The following MOV10L1 variants were observed in gnomAD, a reference collection of about 807,000 sequenced individuals.
The protein encoded by MOV10L1 is Mov10 like RNA helicase 1.
MOV10L1 carries 110 observed loss-of-function variants against 143.8 expected under a neutral mutation model. The ratio of observed to expected loss-of-function variants is 0.76; its 90% CI spans 0.66 to 0.90. The LOEUF (loss-of-function observed/expected upper bound fraction) is 0.90. Ranked by LOEUF, MOV10L1 falls within the 40% of genes least tolerant of loss-of-function variation. The probability of loss-of-function intolerance (pLI) is 0.00; values close to 1 mark genes in which losing one functional copy is unlikely to be tolerated. For missense variants in MOV10L1, 1,406 were observed against 1,526.8 expected (o/e 0.92, Z 1.32); for synonymous variants, 593 against 581.1 (o/e 1.02, Z -0.29).
At chr22:50,106,223 T>A (rs964078176) in intron 3 of MOV10L1, among the ~76,000 whole-genome samples, 2 of 152,032 alleles carry the variant, frequency 1.3e-5, no homozygotes, top group Non-Finnish European at 2.9e-5. Context: ...AGTGGCACAA[T>A]TGTAGCTCAC....
At chr22:50,123,569 C>G (rs894914065) in intron 10 of MOV10L1, among the ~76,000 whole-genome samples, 1 of 152,132 alleles carries the variant, frequency 6.6e-6, no homozygotes, top group Non-Finnish European at 1.5e-5. Flanking sequence ...GTGCTAGTAT[C>G]GTGTTGAGGA....
intron 15 of MOV10L1, among the ~76,000 whole-genome samples, chr22:50,141,239 T>C (rs1602304947): frequency 1.3e-5 from 2 of 152,304 alleles, no homozygotes; most frequent in African/African-American, 4.8e-5. Flanking sequence ...GGTTTCACCA[T>C]GTTGGCCAGG....
At chr22:50,149,286 A>C (rs2063231919) in intron 19 of MOV10L1, 2 of 280,652 alleles carry the variant, frequency 7.1e-6, no homozygotes, top group Non-Finnish European at 6.9e-6. Context: ...GGTGGAGAGC[A>C]GGCCAGGAGC....
chr22:50,139,754 A>G (rs1377306296), intron 15 of MOV10L1, among the ~76,000 whole-genome samples: 1 of 152,250 alleles, frequency 6.6e-6, no homozygotes, highest in Non-Finnish European at 1.5e-5. Flanking sequence ...TAATAAACAC[A>G]TGAAAGATGT....
In MOV10L1 at chr22:50,145,773, T is replaced by A; in HGVS notation, c.2590T>A (p.Cys864Ser). The A allele has an allele frequency of 6.2e-7, 1 of 1,614,106 alleles. No homozygotes were observed. The highest frequency in any genetic ancestry group is 8.5e-7 in the Non-Finnish European group (1 of 1,180,004). The change falls in exon 19 of 27, where the codon TGC becomes AGC. Residue 864 changes from cysteine (C) to serine (S), a missense_variant. Physicochemically the swap from Cys to Ser is moderately radical, Grantham distance 112. Around this residue, in one of 3 missense-constraint regions of MOV10L1, gnomAD observed 1,233 missense variants for 1,351.4 expected, o/e 0.91. Transcript: ENST00000262794. ...ASRFRIIITTCSSSGLFYQIG... is the reference protein window; with the variant it reads ...ASRFRIIITTSSSSGLFYQIG... ...ACGCTTCCGGATAATCATCACCACA[T>A]GCAGCAGCTCAGGGCTGTTTTACCA...
intron 3 of MOV10L1, among the ~76,000 whole-genome samples, chr22:50,107,288 T>G (rs1436249265): frequency 6.6e-6 from 1 of 151,422 alleles, no homozygotes; most frequent in Non-Finnish European, 1.5e-5. Context: ...GGTCTCGATC[T>G]CCTGACCTCG....
intron 5 of MOV10L1, among the ~76,000 whole-genome samples, chr22:50,110,635 A>G (rs1175412581): frequency 1.3e-5 from 2 of 152,118 alleles, no homozygotes; most frequent in African/African-American, 2.4e-5. Flanking sequence ...GGTTCTTAAA[A>G]TTATTGGATT....
At chr22:50,107,279 G>T (rs1011084380) in intron 3 of MOV10L1, among the ~76,000 whole-genome samples, 1 of 150,466 alleles carries the variant, frequency 6.6e-6, no homozygotes, top group Non-Finnish European at 1.5e-5. Flanking sequence ...TTTCACCGTG[G>T]TCTCGATCTC....
intron 10 of MOV10L1, among the ~76,000 whole-genome samples, chr22:50,121,369 C>T (rs562834730): frequency 6.6e-6 from 1 of 152,294 alleles, no homozygotes; most frequent in East Asian, 1.9e-4. Flanking sequence ...ACCGGGGTTC[C>T]TCACGCAGGA....
Position 50,133,999 on chromosome 22 carries a change from T to A in MOV10L1, c.1911-8T>A, listed in dbSNP as rs776507373. On this transcript the variant is annotated splice_polypyrimidine_tract_variant and splice_region_variant and intron_variant, in intron 13 of 26. Coordinates refer to ENST00000262794, the MANE Select transcript of MOV10L1 (RefSeq NM_018995.3). ...GTTAGTTATTTTATGTGGTTTTCTT[T>A]CCTGCAGGACCACAAGCAGACGGTG... The A allele has an allele frequency of 1.9e-6, 3 of 1,609,006 alleles. No homozygotes were observed. The highest frequency in any genetic ancestry group is 3.4e-5 in the Admixed American group (2 of 58,118).
intron 25 of MOV10L1, 65 bp from the exon 26 acceptor site, chr22:50,160,899 C>A (rs2272842): frequency 8.7e-6 from 14 of 1,612,676 alleles, no homozygotes; most frequent in Non-Finnish European, 1.1e-5. Flanking sequence ...GTGAGACGTA[C>A]GAGGCACCAG....
In MOV10L1 at chr22:50,142,069, G is replaced by C. The variant is rs2063004047; in HGVS notation, c.2071-12G>C. The C allele has an allele frequency of 6.2e-7, 1 of 1,602,566 alleles. No individual in the cohort carries two copies. ...GTTTTTTTAAAACATTTTTCTGCCT[G>C]ATAATTTCTAGAATAGGAAAACAAT... On this transcript the variant is annotated splice_polypyrimidine_tract_variant and intron_variant, in intron 15 of 26. Coordinates refer to ENST00000262794, the MANE Select transcript of MOV10L1 (RefSeq NM_018995.3).
At chr22:50,125,727 C>T (rs1206121555) in intron 11 of MOV10L1, among the ~76,000 whole-genome samples, 158 bp downstream of exon 11, 2 of 152,072 alleles carry the variant, frequency 1.3e-5, no homozygotes, top group Non-Finnish European at 2.9e-5. Context: ...GTACATCAAG[C>T]ATGTTTCTTT....
chr22:50,117,099 G>C, intron 8 of MOV10L1, 58 bp from the exon 9 acceptor site: 1 of 1,506,446 alleles, frequency 6.6e-7, no homozygotes, highest in Admixed American at 2.0e-5. Flanking sequence ...AAGGAAAATT[G>C]TGTTGACTGC....
intron 15 of MOV10L1, among the ~76,000 whole-genome samples, chr22:50,139,097 G>A (rs1342627268): frequency 6.6e-6 from 1 of 151,996 alleles, no homozygotes; most frequent in Non-Finnish European, 1.5e-5. Flanking sequence ...AATCAATGGA[G>A]GGAGATATTA....
intron 5 of MOV10L1, among the ~76,000 whole-genome samples, chr22:50,110,053 G>A (rs1237467639): frequency 1.3e-5 from 2 of 152,088 alleles, no homozygotes; most frequent in African/African-American, 2.4e-5. Flanking sequence ...GGAGGCTGAG[G>A]CAAGAGAATC....
intron 7 of MOV10L1, 89 bp from the exon 8 acceptor site, chr22:50,115,025 A>T (rs1040273699): frequency 2.9e-6 from 4 of 1,364,118 alleles, no homozygotes; most frequent in Non-Finnish European, 4.0e-6. Context: ...TGTGTGTGTG[A>T]GAGAGTATTC....
chr22:50,108,291 C>T (rs1273000058), intron 4 of MOV10L1, 43 bp downstream of exon 4: 1 of 1,543,560 alleles, frequency 6.5e-7, no homozygotes, highest in East Asian at 2.3e-5. Context: ...TTCTGGCAGA[C>T]CTGCCATCAG....
intron 3 of MOV10L1, among the ~76,000 whole-genome samples, chr22:50,102,415 T>A (rs927196660): frequency 1.3e-5 from 2 of 152,188 alleles, no homozygotes; most frequent in Non-Finnish European, 1.5e-5. Flanking sequence ...AAACTTTATT[T>A]ATAACTTCTG....
Sources: allele counts gnomAD v4.1 joint callset (sites outside exome capture counted in the v4.1 genomes callset), GRCh38; gene constraint gnomAD v4.1.1; regional missense constraint gnomAD v4.1.1; transcripts MANE v1.5; gene names NCBI Gene and HGNC (gene_info 2026-07-23, HGNC 2026-07-21).